Variants in ELP3 observed in about 807,000 individuals in gnomAD.
The protein encoded by ELP3 is elongator complex protein 3.
Under a neutral mutation model 74.9 loss-of-function variants are expected in ELP3, and 56 were observed. The observed-to-expected ratio is 0.75, with a 90% CI of 0.60 to 0.93. ELP3 has a LOEUF of 0.93. Ranked by LOEUF, ELP3 falls within the 40% of genes least tolerant of loss-of-function variation. The pLI is 0.00. For synonymous variants in ELP3, 222 were observed against 239.8 expected (o/e 0.93, Z 0.68); for missense variants, 573 against 686.5 (o/e 0.83, Z 1.85).
At chr8:28,127,240 AG>A (rs1812612344) in intron 7 of ELP3, among the ~76,000 whole-genome samples, 2 of 152,162 alleles carry the variant, frequency 1.3e-5, no homozygotes, top group African/African-American at 2.4e-5. Flanking sequence ...ACTCTGCAAT[AG>A]GAAGACTAGC....
chr8:28,131,697 A>G (rs1442201205), intron 8 of ELP3, among the ~76,000 whole-genome samples: 1 of 152,188 alleles, frequency 6.6e-6, no homozygotes, highest in Non-Finnish European at 1.5e-5. Context: ...TGATTTATCC[A>G]CGTGACCCCA....
intron 3 of ELP3, among the ~76,000 whole-genome samples, chr8:28,102,482 G>T (rs1811529412): frequency 1.3e-5 from 2 of 152,272 alleles, no homozygotes; most frequent in African/African-American, 4.8e-5. Context: ...ATCTTTAACA[G>T]TGTCACAAGA....
At chr8:28,128,051 G>A (rs1487378948) in intron 7 of ELP3, among the ~76,000 whole-genome samples, 3 of 152,092 alleles carry the variant, frequency 2.0e-5, no homozygotes, top group Non-Finnish European at 4.4e-5. Flanking sequence ...TTTCAGTAAA[G>A]AACAATGAAC....
chr8:28,182,895 G>A (rs1217422798), intron 14 of ELP3, among the ~76,000 whole-genome samples: 2 of 152,246 alleles, frequency 1.3e-5, no homozygotes, highest in African/African-American at 2.4e-5. Flanking sequence ...GAGAGATGCT[G>A]TACCCCTGGG....
At chr8:28,187,196 C>T (rs1428377357) in intron 14 of ELP3, among the ~76,000 whole-genome samples, 1 of 152,208 alleles carries the variant, frequency 6.6e-6, no homozygotes, top group Admixed American at 6.5e-5. Context: ...TCCACATATG[C>T]CCAGGCTCTG....
At position 28,100,003 on chromosome 8, in the gene ELP3, G is replaced by C. The variant is rs78435283; in HGVS notation, c.258+37G>C. On this transcript the variant is annotated intron_variant, in intron 3 of 14. Transcript: ENST00000256398. Reference sequence around the variant, plus strand: ...GACTCATGAGGTATCGACACACTGGGTATCTGTTCTGGCAGAAGTCCCTGC... The same window carrying C: ...GACTCATGAGGTATCGACACACTGGCTATCTGTTCTGGCAGAAGTCCCTGC... 4.0e-4 allele frequency: 651 copies of C among 1,613,556 alleles called. 6 individuals are homozygous for C. In the East Asian group the frequency reaches 0.01, roughly 25 times the overall value.
chr8:28,097,048 A>G (rs753320384), intron 1 of ELP3, among the ~76,000 whole-genome samples, 171 bp from the exon 2 acceptor site: 1 of 152,236 alleles, frequency 6.6e-6, no homozygotes, highest in Non-Finnish European at 1.5e-5. Context: ...TGTTTTAAAG[A>G]TACAAAAGAT....
chr8:28,171,633 C>CCTTT (rs1173676138), intron 14 of ELP3, among the ~76,000 whole-genome samples: 2 of 152,174 alleles, frequency 1.3e-5, no homozygotes, highest in East Asian at 3.9e-4. Context: ...TTGATACTTT[C>CCTTT]CTTTGATGCA....
intron 9 of ELP3, among the ~76,000 whole-genome samples, chr8:28,135,021 C>G (rs542769469): frequency 6.6e-6 from 1 of 152,002 alleles, no homozygotes; most frequent in African/African-American, 2.4e-5. Flanking sequence ...CTCTGCCTCC[C>G]GGGTTCAAGC....
intron 9 of ELP3, among the ~76,000 whole-genome samples, chr8:28,133,550 C>T (rs1812865410): frequency 6.6e-6 from 1 of 150,424 alleles, no homozygotes; most frequent in Admixed American, 6.7e-5. Flanking sequence ...TCCATGTTAA[C>T]TTTGTTGTGG....
intron 10 of ELP3, among the ~76,000 whole-genome samples, chr8:28,152,148 G>A (rs577358905): frequency 6.6e-6 from 1 of 152,280 alleles, no homozygotes; most frequent in Admixed American, 6.5e-5. Flanking sequence ...CAGCCCCGGG[G>A]CAGTAGTTTA....
At chr8:28,115,890 T>C (rs972394523) in intron 7 of ELP3, among the ~76,000 whole-genome samples, 3 of 152,198 alleles carry the variant, frequency 2.0e-5, no homozygotes, top group Non-Finnish European at 1.5e-5. Flanking sequence ...TTTCTCTGGC[T>C]TCTCTTTTAT....
chr8:28,149,975 G>C (rs189585808), intron 10 of ELP3, among the ~76,000 whole-genome samples: 92 of 151,996 alleles, frequency 6.1e-4, no homozygotes, highest in African/African-American at 2.1e-3. Context: ...TCCAGTGGTT[G>C]CCCTAGAATT....
chr8:28,110,620 A>G (rs939626377), intron 6 of ELP3, 182 bp downstream of exon 6: 11 of 555,346 alleles, frequency 2.0e-5, no homozygotes, highest in Non-Finnish European at 3.5e-5. Flanking sequence ...CAAAAACACT[A>G]CTTTCTTTAA....
At chr8:28,155,816 T>TCC in intron 10 of ELP3, 126 bp from the exon 11 acceptor site, 1 of 652,716 alleles carries the variant, frequency 1.5e-6, no homozygotes, top group Non-Finnish European at 2.6e-6. Context: ...TCTGATTTCC[T>TCC]GGTCAGCTTC....
At chr8:28,166,630 T>C (rs942714580) in intron 14 of ELP3, among the ~76,000 whole-genome samples, 1 of 152,212 alleles carries the variant, frequency 6.6e-6, no homozygotes. Context: ...TCCTCTCTTA[T>C]AATGTAAAGT....
rs937439675 is a variant in ELP3 at position 28,161,988 on chromosome 8, T to G, written c.1486-9T>G. ...TTTAATTCCCACTCCCCATTGTTGC[T>G]CCGTGCAGGGATTTGGCATGCTGCT... On this transcript the variant is annotated splice_polypyrimidine_tract_variant and intron_variant, in intron 13 of 14. Transcript: ENST00000256398. 3.7e-6 allele frequency: 6 copies of G among 1,613,848 alleles called. No homozygotes were observed. The African/African-American group carries it at 5.3e-5, about 14-fold the overall frequency.
intron 7 of ELP3, chr8:28,129,255 A>T: frequency 2.5e-6 from 1 of 396,034 alleles, no homozygotes; most frequent in South Asian, 5.2e-5. Flanking sequence ...CGTCAATCTT[A>T]TGAGGTGTAG....
At chr8:28,128,758 A>C (rs989156430) in intron 7 of ELP3, among the ~76,000 whole-genome samples, 1 of 152,148 alleles carries the variant, frequency 6.6e-6, no homozygotes, top group African/African-American at 2.4e-5. Flanking sequence ...AGCTTGGCCC[A>C]CAACAGCCTC....
Sources: allele counts gnomAD v4.1 joint callset (sites outside exome capture counted in the v4.1 genomes callset), GRCh38; gene constraint gnomAD v4.1.1; transcripts MANE v1.5; gene names NCBI Gene and HGNC (gene_info 2026-07-23, HGNC 2026-07-21).